ANKFN1: variants seen among roughly 807,000 people sequenced by gnomAD.
ANKFN1 encodes the protein ankyrin repeat and fibronectin type-III domain-containing protein 1.
ANKFN1 carries 74 observed loss-of-function variants against 108.7 expected under a neutral mutation model. The ratio of observed to expected loss-of-function variants is 0.68; its 90% CI spans 0.56 to 0.83. ANKFN1 has a LOEUF of 0.83. ANKFN1 is among the 40% of genes least tolerant of loss of function. The pLI is 0.00. For synonymous variants in ANKFN1, 547 were observed against 516.2 expected (o/e 1.06, Z -0.81); for missense variants, 1,505 against 1,382.3 (o/e 1.09, Z -1.41).
chr17:56,177,157 T>C (rs1340560236), intron 1 of ANKFN1, among the ~76,000 whole-genome samples: 2 of 152,188 alleles, frequency 1.3e-5, no homozygotes, highest in Non-Finnish European at 1.5e-5. Context: ...GAGTGAACAG[T>C]TGACTAGCCA....
At chr17:56,491,356 G>T (rs2051032797) in intron 18 of ANKFN1, among the ~76,000 whole-genome samples, 1 of 152,106 alleles carries the variant, frequency 6.6e-6, no homozygotes, top group Non-Finnish European at 1.5e-5. Flanking sequence ...CTGAATCAGG[G>T]TGCTTTCCTC....
intron 3 of ANKFN1, among the ~76,000 whole-genome samples, chr17:56,232,093 A>AT (rs1916780476): frequency 6.6e-6 from 1 of 152,078 alleles, no homozygotes; most frequent in African/African-American, 2.4e-5. Context: ...CCTTCCCCAC[A>AT]TGACAACCCT....
chr17:56,418,870 T>G (rs949437124), intron 8 of ANKFN1, among the ~76,000 whole-genome samples: 4 of 151,730 alleles, frequency 2.6e-5, no homozygotes, highest in African/African-American at 9.7e-5. Flanking sequence ...CAGGGGTTAA[T>G]GCACCTTGCC....
chr17:56,475,334 A>G (rs566622664), intron 15 of ANKFN1, among the ~76,000 whole-genome samples: 54 of 152,296 alleles, frequency 3.5e-4, no homozygotes, highest in Admixed American at 2.4e-3. Flanking sequence ...TGAAACCCCA[A>G]TGTCTCACAT....
intron 3 of ANKFN1, among the ~76,000 whole-genome samples, chr17:56,237,868 A>G (rs1034743415): frequency 1.8e-4 from 27 of 151,762 alleles, no homozygotes; most frequent in African/African-American, 6.3e-4. Flanking sequence ...TTGTGATGTT[A>G]GGTTGTTAAT....
intron 8 of ANKFN1, among the ~76,000 whole-genome samples, chr17:56,420,688 T>A (rs1340762216): frequency 6.6e-6 from 1 of 150,418 alleles, no homozygotes; most frequent in African/African-American, 2.5e-5. Flanking sequence ...TCCTTCTTTT[T>A]TTTTTTTTTT....
At chr17:56,188,272 G>A (rs1029947479) in intron 1 of ANKFN1, among the ~76,000 whole-genome samples, 4 of 151,614 alleles carry the variant, frequency 2.6e-5, no homozygotes, top group South Asian at 4.2e-4. Context: ...TTTAAACAAC[G>A]TAAATTTATT....
chr17:56,318,237 T>C (rs888533205), intron 3 of ANKFN1, among the ~76,000 whole-genome samples: 1 of 152,038 alleles, frequency 6.6e-6, no homozygotes, highest in Non-Finnish European at 1.5e-5. Context: ...AATTAATGGT[T>C]CTGGGGGGGG....
intron 2 of ANKFN1, among the ~76,000 whole-genome samples, chr17:56,226,821 G>A (rs913726100): frequency 1.3e-5 from 2 of 152,030 alleles, no homozygotes; most frequent in South Asian, 2.1e-4. Context: ...TCTGGTTCAC[G>A]CTGACATTAG....
At chr17:56,364,474 TG>T (rs1567946097) in intron 6 of ANKFN1, among the ~76,000 whole-genome samples, 1 of 152,242 alleles carries the variant, frequency 6.6e-6, no homozygotes, top group Non-Finnish European at 1.5e-5. Context: ...TTAAATGATG[TG>T]GCTCACACTA....
intron 3 of ANKFN1, among the ~76,000 whole-genome samples, chr17:56,261,955 G>T (rs2043522246): frequency 6.6e-6 from 1 of 152,034 alleles, no homozygotes; most frequent in African/African-American, 2.4e-5. Flanking sequence ...ATTTCTCCCT[G>T]CCCAGGTCCC....
chr17:56,326,569 G>T (rs576939609), intron 4 of ANKFN1, among the ~76,000 whole-genome samples: 3 of 152,314 alleles, frequency 2.0e-5, no homozygotes, highest in Admixed American at 6.5e-5. Context: ...TGGAGAGAGA[G>T]GATGGGGGTA....
intron 8 of ANKFN1, among the ~76,000 whole-genome samples, chr17:56,426,672 A>T (rs1374410249): frequency 6.6e-6 from 1 of 152,230 alleles, no homozygotes; most frequent in African/African-American, 2.4e-5. Flanking sequence ...CCTTGCTAGG[A>T]TATGCAATGT....
At position 56,511,499 on chromosome 17, in the gene ANKFN1, G is replaced by C; in HGVS notation, c.*230G>C. Reference sequence around the variant, plus strand: ...CCTAGAAAGGGCATGGGGGAGTTGTGTCAACATGGAATACGACATACAGTG... The same window carrying C: ...CCTAGAAAGGGCATGGGGGAGTTGTCTCAACATGGAATACGACATACAGTG... On this transcript the variant is annotated 3_prime_UTR_variant, in exon 21 of 21. Coordinates refer to ENST00000682825, the MANE Select transcript of ANKFN1 (RefSeq NM_001370326.1). The C allele has an allele frequency of 1.8e-6, 1 of 547,912 alleles. No homozygotes were observed. Among genetic ancestry groups the C allele is most frequent in the Non-Finnish European group, 3.2e-6 (1 of 312,158 alleles). 33.9% of individuals were successfully genotyped at this position (547,912 alleles called of 1,614,324 possible).
At chr17:56,301,804 A>C (rs1309769118) in intron 3 of ANKFN1, among the ~76,000 whole-genome samples, 1 of 152,224 alleles carries the variant, frequency 6.6e-6, no homozygotes, top group Non-Finnish European at 1.5e-5. Flanking sequence ...ACTGCATATG[A>C]CATTGACTTT....
At position 56,090,209 on chromosome 17, in the gene ANKFN1, GAGCCAGA is replaced by G. The variant is rs1905387011; in HGVS notation, c.288+43886_288+43892del. On this transcript the variant is annotated intron_variant, in intron 4 of 12. Coordinates refer to the ANKFN1 transcript ENST00000635860. ...TGAAATGGGGCGCTGTATAGTGTAT[GAGCCAGA>G]ATGTGAGCACTGAGTAGCAGGTGCG... Among the ~76,000 whole-genome samples, 9 of 151,356 alleles carry G rather than the reference GAGCCAGA, an allele frequency of 5.9e-5. No individual in the cohort carries two copies. In the East Asian group the frequency reaches 1.2e-3, roughly 20 times the overall value.
At chr17:56,291,089 A>G (rs866299529) in intron 3 of ANKFN1, among the ~76,000 whole-genome samples, 1 of 152,234 alleles carries the variant, frequency 6.6e-6, no homozygotes, top group Non-Finnish European at 1.5e-5. Flanking sequence ...TGGATCAGTC[A>G]GCCCCTTCTA....
chr17:56,449,210 G>C, intron 11 of ANKFN1, 24 bp downstream of exon 11: 1 of 1,597,342 alleles, frequency 6.3e-7, no homozygotes, highest in Non-Finnish European at 8.6e-7. Context: ...TCTGTGCTGG[G>C]CCATCAACTG....
chr17:56,085,652 C>G (rs1905302794), intron 4 of ANKFN1, among the ~76,000 whole-genome samples: 1 of 151,340 alleles, frequency 6.6e-6, no homozygotes, highest in African/African-American at 2.4e-5. Context: ...CTGACTTCTC[C>G]TCTTTTGTGG....
Sources: gnomAD v4.1 joint callset for allele counts (sites outside exome capture counted in the v4.1 genomes callset) on GRCh38, gnomAD v4.1.1 for gene constraint, MANE v1.5 for transcripts, NCBI Gene and HGNC (gene_info 2026-07-23, HGNC 2026-07-21) for gene names.